WNT2B: variants seen among roughly 807,000 people sequenced by gnomAD.
WNT2B encodes Wnt family member 2B.
Under a neutral mutation model 40.5 loss-of-function variants are expected in WNT2B, and 19 were observed. That is an observed-to-expected ratio of 0.47 (90% CI 0.33 to 0.69). The LOEUF is 0.69. WNT2B is among the 30% of genes least tolerant of loss of function. WNT2B has a pLI of 0.02. For missense variants in WNT2B, 467 were observed against 556.4 expected (o/e 0.84, Z 1.62); for synonymous variants, 220 against 211.9 (o/e 1.04, Z -0.33).
At chr1:112,484,272 C>CACATAT (rs1553230286) in intron 1 of WNT2B, among the ~76,000 whole-genome samples, 1 of 123,266 alleles carries the variant, frequency 8.1e-6, no homozygotes, top group Non-Finnish European at 1.6e-5. Context: ...TATATATACA[C>CACATAT]ATATATATAT....
chr1:112,495,039 C>T (rs997135911), intron 1 of WNT2B, among the ~76,000 whole-genome samples: 1 of 151,422 alleles, frequency 6.6e-6, no homozygotes, highest in African/African-American at 2.5e-5. Flanking sequence ...ACAAGGTACT[C>T]ACCCTACTGA....
intron 1 of WNT2B, among the ~76,000 whole-genome samples, chr1:112,469,365 G>A (rs896569954): frequency 1.3e-5 from 2 of 151,970 alleles, no homozygotes; most frequent in Non-Finnish European, 2.9e-5. Context: ...TCTATTCTGC[G>A]GAAAATGACA....
Position 112,515,245 on chromosome 1 carries a change from G to A in WNT2B, c.403+151G>A. ...TGGGCAGAGCCCAGGATATAATTGG[G>A]AACAGACTCTTAGCATCTTAGATTT... On this transcript the variant is annotated intron_variant, in intron 2 of 4. Coordinates refer to ENST00000369684, the MANE Select transcript of WNT2B (RefSeq NM_024494.3). This position sits in a 1 kb window ranked among gnomAD's most constrained non-coding sequence, Gnocchi z 4.4. 1.0e-6 allele frequency: 1 copy of A among 973,400 alleles called. No individual in the cohort carries two copies. The highest frequency in any genetic ancestry group is 1.5e-6 in the Non-Finnish European group (1 of 664,894). 60.3% of individuals were successfully genotyped at this position (973,400 alleles called of 1,614,324 possible).
chr1:112,519,552 T>C (rs1652744590), intron 4 of WNT2B, among the ~76,000 whole-genome samples: 1 of 152,186 alleles, frequency 6.6e-6, no homozygotes, highest in African/African-American at 2.4e-5. Flanking sequence ...AATGAGGTTC[T>C]AAGCATTCCC....
At chr1:112,504,170 C>A (rs190073519), upstream of WNT2B, among the ~76,000 whole-genome samples, 13 of 152,206 alleles carry the variant, frequency 8.5e-5, no homozygotes, top group African/African-American at 2.9e-4. Context: ...GGCCACCCGC[C>A]CGGAATGGCC....
In WNT2B at chr1:112,523,552, G is replaced by C. The variant is rs1262168835; in HGVS notation, c.*3043G>C. 6.6e-6 allele frequency: 1 copy of C among 152,086 alleles called. No individual in the cohort carries two copies. Among genetic ancestry groups the C allele is most frequent in the South Asian group, 2.1e-4 (1 of 4,822 alleles). 9.4% of individuals were successfully genotyped at this position (152,086 alleles called of 1,614,324 possible). A position where few individuals can be genotyped will look rare whatever the true frequency, so the allele number is the denominator to read the frequency against. ...AGCAGCAAAATGAGAACTTTATTTG[G>C]TGCAGTCAGGGCTCCATTTAGTTCC... On this transcript the variant is annotated 3_prime_UTR_variant, in exon 5 of 5. Coordinates refer to ENST00000369684, the MANE Select transcript of WNT2B (RefSeq NM_024494.3).
chr1:112,486,187 A>T (rs1308402885), intron 1 of WNT2B, among the ~76,000 whole-genome samples: 1 of 142,126 alleles, frequency 7.0e-6, no homozygotes, highest in Non-Finnish European at 1.5e-5. Context: ...TCATGCCTGT[A>T]ATCCTAGCAC....
chr1:112,512,351 T>C (rs7516532), intron 1 of WNT2B, among the ~76,000 whole-genome samples: 9,927 of 152,136 alleles, frequency 0.065, 1,058 homozygotes, highest in African/African-American at 0.22. Flanking sequence ...CTTTGTGGAG[T>C]GGTGCATCCA....
chr1:112,513,300 C>G (rs1652419524), intron 1 of WNT2B, among the ~76,000 whole-genome samples: 1 of 152,184 alleles, frequency 6.6e-6, no homozygotes, highest in Admixed American at 6.5e-5. Flanking sequence ...CGGCCTGGCC[C>G]TGTCTGGGGT....
intron 1 of WNT2B, among the ~76,000 whole-genome samples, chr1:112,512,959 T>G (rs1355557226): frequency 6.6e-6 from 1 of 152,024 alleles, no homozygotes; most frequent in African/African-American, 2.4e-5. Flanking sequence ...TCAGTGAGGA[T>G]GTAATAAAAA....
chr1:112,521,795 C>T lies in WNT2B; in HGVS notation c.*1286C>T, dbSNP rs1013746638. The T allele has an allele frequency of 8.5e-5, 13 of 152,102 alleles. No homozygotes were observed. Among genetic ancestry groups the T allele is most frequent in the Admixed American group, 7.2e-4 (11 of 15,264 alleles). The allele number at this position is 152,102 out of a possible 1,614,324, so 9.4% of individuals were successfully genotyped here. A position where few individuals can be genotyped will look rare whatever the true frequency, so the allele number is the denominator to read the frequency against. The stretch of plus-strand genomic sequence containing the variant: ...CAGGCTTAGTAAGCTGGAGGTAGGA[C>T]ATGAAGTCCCCCAAAACTTGATGTC... On this transcript the variant is annotated 3_prime_UTR_variant, in exon 5 of 5. Coordinates refer to ENST00000369684, the MANE Select transcript of WNT2B (RefSeq NM_024494.3).
intron 1 of WNT2B, among the ~76,000 whole-genome samples, chr1:112,478,654 C>T (rs1031158343): frequency 6.6e-6 from 1 of 152,116 alleles, no homozygotes; most frequent in Non-Finnish European, 1.5e-5. Flanking sequence ...GGCATGGTGG[C>T]TCACACCTGT....
Position 112,520,889 on chromosome 1 carries a change from T to C in WNT2B, c.*380T>C, listed in dbSNP as rs889090519. On this transcript the variant is annotated 3_prime_UTR_variant, in exon 5 of 5. Transcript: ENST00000369684. ...AGAGGAAGGGTACCTGTAGAGAGCT[T>C]CTTTTTGTTTCTACCTGGCCAAAGT... 1.5e-5 allele frequency: 3 copies of C among 200,812 alleles called. No individual in the cohort carries two copies. In the East Asian group the frequency reaches 3.7e-4, roughly 25 times the overall value. The allele number at this position is 200,812 out of a possible 1,614,324, so 12.4% of individuals were successfully genotyped here.
chr1:112,502,104 C>G (rs1043310612), intron 1 of WNT2B, among the ~76,000 whole-genome samples: 3 of 152,224 alleles, frequency 2.0e-5, no homozygotes, highest in African/African-American at 7.2e-5. Flanking sequence ...CAGGCCTGGC[C>G]TGAGCGGTCT....
chr1:112,512,902 C>T (rs935635143), intron 1 of WNT2B, among the ~76,000 whole-genome samples: 1 of 152,182 alleles, frequency 6.6e-6, no homozygotes, highest in African/African-American at 2.4e-5. Flanking sequence ...GTAATAGAGA[C>T]ATTTAATTAT....
chr1:112,516,406 T>G lies in WNT2B; in HGVS notation c.670T>G (p.Cys224Gly), dbSNP rs1463854411. The change falls in exon 3 of 5, where the codon TGT becomes GGT. Residue 224 changes from cysteine (C) to glycine (G), a missense_variant. By Grantham distance (159) the Cys-to-Gly change is radical. Transcript: ENST00000369684. ...RALMNLHNNR[C>G]GRTAVRRFLK... ...CCTCATGAACTTACATAATAACCGC[T>G]GTGGTCGCACGGTCAGTACTCATGT... The G allele has an allele frequency of 6.2e-7, 1 of 1,612,672 alleles. No homozygotes were observed. The highest frequency in any genetic ancestry group is 1.1e-5 in the South Asian group (1 of 90,896).
intron 1 of WNT2B, among the ~76,000 whole-genome samples, chr1:112,490,778 C>T (rs1395462217): frequency 2.6e-5 from 4 of 152,064 alleles, no homozygotes; most frequent in Non-Finnish European, 5.9e-5. Context: ...CGTGAGCCCC[C>T]GCGCCCGGCC....
chr1:112,468,789 A>G (rs1433801268), intron 1 of WNT2B, among the ~76,000 whole-genome samples: 2 of 152,142 alleles, frequency 1.3e-5, no homozygotes, highest in African/African-American at 4.8e-5. Flanking sequence ...CTTCTGCTAC[A>G]TAGAAGTTTT....
chr1:112,508,365 G>T (rs919389088), upstream of WNT2B, among the ~76,000 whole-genome samples: 4 of 150,996 alleles, frequency 2.6e-5, no homozygotes, highest in African/African-American at 9.7e-5. This position sits in a 1 kb window ranked among gnomAD's most constrained non-coding sequence, Gnocchi z 4.2. Context: ...GCAGGAGCCA[G>T]GTCTAAACGT....
Sources: gnomAD v4.1 joint callset for allele counts (sites outside exome capture counted in the v4.1 genomes callset) on GRCh38, gnomAD v4.1.1 for gene constraint, Gnocchi (gnomAD v3.1) non-coding constraint, MANE v1.5 for transcripts, NCBI Gene and HGNC (gene_info 2026-07-23, HGNC 2026-07-21) for gene names.